Variants in NAALADL2 observed in about 807,000 individuals in gnomAD.
NAALADL2 encodes the protein inactive N-acetylated-alpha-linked acidic dipeptidase-like protein 2.
NAALADL2 carries 76 observed loss-of-function variants against 87.2 expected under a neutral mutation model. The ratio of observed to expected loss-of-function variants is 0.87; its 90% CI spans 0.72 to 1.05. The LOEUF (loss-of-function observed/expected upper bound fraction) is 1.05, where lower values mean the gene tolerates loss of function less well. Among genes scored for constraint, NAALADL2 ranks in the 50% least tolerant of loss-of-function variants. The pLI is 0.00. For missense variants in NAALADL2, 1,089 were observed against 945.8 expected (o/e 1.15, Z -1.99); for synonymous variants, 354 against 331.0 (o/e 1.07, Z -0.75).
At chr3:174,800,349 A>G (rs1578983539) in intron 3 of NAALADL2, among the ~76,000 whole-genome samples, 1 of 152,264 alleles carries the variant, frequency 6.6e-6, no homozygotes, top group East Asian at 1.9e-4. Flanking sequence ...TCTAGCCATC[A>G]TATAAAGCTC....
At chr3:175,475,022 AGT>A (rs1553905015) in intron 9 of NAALADL2, among the ~76,000 whole-genome samples, 95,691 of 144,248 alleles carry the variant, frequency 0.66, 32,129 homozygotes, top group East Asian at 0.88. Flanking sequence ...CAAACATTTA[AGT>A]ACACACACAC....
chr3:174,979,304 C>CTTTTTTTTTTTTTTTT (rs5854604), intron 1 of NAALADL2, among the ~76,000 whole-genome samples: 34 of 105,220 alleles, frequency 3.2e-4, no homozygotes, highest in African/African-American at 1.1e-3. Flanking sequence ...TCTTTCTTTT[C>CTTTTTTTTTTTTTTTT]TTTTTTTTTT....
chr3:175,412,902 T>TATTATC (rs1237474222), intron 5 of NAALADL2, among the ~76,000 whole-genome samples: 9 of 141,452 alleles, frequency 6.4e-5, no homozygotes, highest in Middle Eastern at 3.6e-3. Flanking sequence ...TTATTATTAT[T>TATTATC]ATTATTATTA....
chr3:174,891,777 G>A (rs916054733), intron 1 of NAALADL2, among the ~76,000 whole-genome samples: 3 of 152,160 alleles, frequency 2.0e-5, no homozygotes, highest in African/African-American at 7.2e-5. Context: ...TGACCCAGAA[G>A]CAGTGGACCG....
chr3:175,582,037 G>C (rs1656035677), intron 10 of NAALADL2, among the ~76,000 whole-genome samples: 1 of 152,084 alleles, frequency 6.6e-6, no homozygotes, highest in African/African-American at 2.4e-5. Flanking sequence ...GCTTCTTAAA[G>C]GCATTTCTTT....
At chr3:175,287,394 G>T (rs1236477074) in intron 4 of NAALADL2, among the ~76,000 whole-genome samples, 3 of 152,114 alleles carry the variant, frequency 2.0e-5, no homozygotes, top group Non-Finnish European at 4.4e-5. Flanking sequence ...AATGAAAATT[G>T]TAAACATTTT....
intron 2 of NAALADL2, among the ~76,000 whole-genome samples, chr3:175,145,432 G>A (rs1580684570): frequency 6.6e-6 from 1 of 152,108 alleles, no homozygotes; most frequent in East Asian, 1.9e-4. Flanking sequence ...TGAACAGATT[G>A]CCTTCAGAAT....
chr3:175,589,384 A>T (rs1341575712), intron 10 of NAALADL2, among the ~76,000 whole-genome samples: 4 of 152,020 alleles, frequency 2.6e-5, no homozygotes. Context: ...AGTGCTCACA[A>T]ATATTAATTC....
rs563386869 is a variant in NAALADL2, at chr3:175,408,764, T to C, written c.1091-38465T>C. Among the ~76,000 whole-genome samples, 151 of 152,134 alleles carry C rather than the reference T, an allele frequency of 9.9e-4. 1 individual carries two copies. Among genetic ancestry groups the C allele is most frequent in the African/African-American group, 3.4e-3 (143 of 41,564 alleles). ...CATTATCAAAATCCTAAAATGTGCT[T>C]CTATTCTTTTTTTTCTCTTATTTGA... On this transcript the variant is annotated intron_variant, in intron 5 of 13. Transcript: ENST00000454872.
chr3:174,617,957 C>T (rs184618166), intron 2 of NAALADL2, among the ~76,000 whole-genome samples: 1 of 151,684 alleles, frequency 6.6e-6, no homozygotes, highest in Non-Finnish European at 1.5e-5. Context: ...ACTAGTTATT[C>T]TCCATCTTCA....
rs79781283 is a variant in NAALADL2, at chr3:175,712,367, G to A, written c.1897-24939G>A. Among the ~76,000 whole-genome samples the A allele has an allele frequency of 2.6e-4, 40 of 152,028 alleles. No homozygotes were observed. In the East Asian group the frequency reaches 7.2e-3, roughly 27 times the overall value. ...AAAAGGGGTACACAAAACATTAGAC[G>A]GTAGTCCTTGTCTCTTCCTTGCTGA... On this transcript the variant is annotated intron_variant, in intron 11 of 13. Transcript: ENST00000454872.
intron 2 of NAALADL2, among the ~76,000 whole-genome samples, chr3:174,645,807 C>T (rs959607600): frequency 6.6e-5 from 10 of 152,036 alleles, no homozygotes; most frequent in Admixed American, 1.3e-4. Context: ...AAGAGAATTA[C>T]AGTTTAGGAT....
intron 5 of NAALADL2, among the ~76,000 whole-genome samples, chr3:175,337,703 T>C (rs1193440989): frequency 6.6e-6 from 1 of 152,150 alleles, no homozygotes; most frequent in Non-Finnish European, 1.5e-5. Flanking sequence ...CCTAGCAAAC[T>C]AATACAAAAA....
chr3:174,654,417 G>C (rs1026766181), intron 2 of NAALADL2, among the ~76,000 whole-genome samples: 1 of 152,050 alleles, frequency 6.6e-6, no homozygotes, highest in Non-Finnish European at 1.5e-5. Flanking sequence ...TTGTCTGGTA[G>C]CAAATTAGAA....
intron 1 of NAALADL2, among the ~76,000 whole-genome samples, chr3:174,947,472 G>A (rs1739619396): frequency 6.6e-6 from 1 of 151,972 alleles, no homozygotes; most frequent in African/African-American, 2.4e-5. Context: ...TGCTGACCAT[G>A]GTTAGGAATG....
chr3:175,772,812 T>C (rs1749685816), intron 13 of NAALADL2, among the ~76,000 whole-genome samples: 1 of 152,164 alleles, frequency 6.6e-6, no homozygotes, highest in Non-Finnish European at 1.5e-5. Flanking sequence ...CTTCCCGCTG[T>C]TGTAACCTAA....
intron 11 of NAALADL2, among the ~76,000 whole-genome samples, chr3:175,686,312 C>T (rs1582891878): frequency 6.6e-6 from 1 of 152,026 alleles, no homozygotes; most frequent in Non-Finnish European, 1.5e-5. Context: ...GCATTAATTC[C>T]ACATTTATAG....
intron 4 of NAALADL2, among the ~76,000 whole-genome samples, chr3:175,272,405 ACTGTGTAGGTCTCAAGGAAT>A (rs1189194192): frequency 2.0e-5 from 3 of 152,198 alleles, no homozygotes; most frequent in Admixed American, 2.0e-4. Context: ...AAAAATGAGG[ACTGTGTAGGTCTCAAGGAAT>A]CTTTGTGACA....
rs569322527 is a variant in NAALADL2, at chr3:175,471,356, C to T, written c.1534-283C>T. Among the ~76,000 whole-genome samples, 53 of 151,326 alleles carry T rather than the reference C, an allele frequency of 3.5e-4. 1 individual carries two copies. Among genetic ancestry groups the T allele is most frequent in the African/African-American group, 1.1e-3 (44 of 41,280 alleles). ...AAAAATTAGCTGGAGGGGTGGCCAG[C>T]GCCTGTAGTCCCAGCTACTGAGGCA... is the stretch of plus-strand genomic sequence containing the variant. On this transcript the variant is annotated intron_variant, in intron 8 of 13. Coordinates refer to ENST00000454872, the MANE Select transcript of NAALADL2 (RefSeq NM_207015.3).
Sources: allele counts gnomAD v4.1 joint callset (sites outside exome capture counted in the v4.1 genomes callset), GRCh38; gene constraint gnomAD v4.1.1; transcripts MANE v1.5; gene names NCBI Gene and HGNC (gene_info 2026-07-23, HGNC 2026-07-21).